NCOA7: variants seen among roughly 807,000 people sequenced by gnomAD.
The protein encoded by NCOA7 is nuclear receptor coactivator 7.
Under a neutral mutation model 104.3 loss-of-function variants are expected in NCOA7, and 45 were observed. The ratio of observed to expected loss-of-function variants is 0.43; its 90% CI spans 0.34 to 0.55. The LOEUF (loss-of-function observed/expected upper bound fraction) is 0.55, where lower values mean the gene tolerates loss of function less well. Ranked by LOEUF, NCOA7 falls within the 20% of genes least tolerant of loss-of-function variation. The probability of loss-of-function intolerance (pLI) is 0.02; values close to 1 mark genes in which losing one functional copy is unlikely to be tolerated. For missense variants in NCOA7, 1,041 were observed against 1,119.7 expected (o/e 0.93, Z 1.00); for synonymous variants, 398 against 402.3 (o/e 0.99, Z 0.13).
At chr6:125,818,742 A>G (rs1333485143) in intron 2 of NCOA7, 7 of 152,362 alleles carry the variant, frequency 4.6e-5, no homozygotes, top group South Asian at 2.1e-4. Context: ...ATCCAAAGTT[A>G]TACATCTTTT....
intron 2 of NCOA7, among the ~76,000 whole-genome samples, chr6:125,832,850 C>T (rs915187505): frequency 6.6e-6 from 1 of 152,230 alleles, no homozygotes; most frequent in Non-Finnish European, 1.5e-5. Flanking sequence ...TTGTTATTTT[C>T]TGCAGCCTCG....
chr6:125,911,645 G>A (rs1403972532), intron 10 of NCOA7, among the ~76,000 whole-genome samples: 1 of 152,222 alleles, frequency 6.6e-6, no homozygotes, highest in Non-Finnish European at 1.5e-5. Context: ...CTGAATAGGG[G>A]CAATGATACT....
At chr6:125,866,973 T>A (rs9482710) in intron 3 of NCOA7, among the ~76,000 whole-genome samples, 19,709 of 152,250 alleles carry the variant, frequency 0.13, 1,693 homozygotes, top group African/African-American at 0.25. Flanking sequence ...CATTTAAACA[T>A]TAATTTGAAA....
At chr6:125,871,272 C>G (rs927678010) in intron 3 of NCOA7, among the ~76,000 whole-genome samples, 11 of 146,226 alleles carry the variant, frequency 7.5e-5, no homozygotes, top group African/African-American at 3.0e-4. Flanking sequence ...ACCTAAAACA[C>G]TAGGGTTGGA....
At chr6:125,825,008 T>C (rs1035999260) in intron 2 of NCOA7, among the ~76,000 whole-genome samples, 2 of 151,950 alleles carry the variant, frequency 1.3e-5, no homozygotes, top group Admixed American at 1.3e-4. Flanking sequence ...TGTACTCCAG[T>C]CTGAGTGACA....
Position 125,896,176 on chromosome 6 carries a change from T to C in NCOA7, c.2096+5366T>C, listed in dbSNP as rs192661676. ...AATTTTTGGCCATTATAAGCAATGT[T>C]ACATTAAAAGTATCTGTAAAATCCT... On this transcript the variant is annotated intron_variant, in intron 10 of 15. Coordinates refer to ENST00000392477, the MANE Select transcript of NCOA7 (RefSeq NM_181782.5). 7.2e-5 allele frequency among the ~76,000 whole-genome samples: 11 copies of C among 151,998 alleles called. No individual in the cohort carries two copies. The East Asian group carries it at 2.1e-3, about 29-fold the overall frequency.
At position 125,885,172 on chromosome 6, in the gene NCOA7, G is replaced by A. The variant is rs777189437; in HGVS notation, c.713G>A (p.Gly238Asp). The change falls in exon 8 of 16, where the codon GGT (glycine) becomes GAT (aspartate). Residue 238 changes from glycine to aspartate, a missense_variant. By Grantham distance (94) the Gly-to-Asp change is moderately conservative. Around this residue, in one of 2 missense-constraint regions of NCOA7, gnomAD observed 914 missense variants for 942.7 expected, o/e 0.97. Transcript: ENST00000392477. Reference sequence around the variant, plus strand: ...TTTCTCCTGCAGGGTGTGGTTGGCGGTGTTATGATAGTGACTCCTAACAAC... The same window carrying A: ...TTTCTCCTGCAGGGTGTGGTTGGCGATGTTATGATAGTGACTCCTAACAAC... ...YFTDGKGVVG[G>D]VMIVTPNNIM... The A allele has an allele frequency of 6.2e-7, 1 of 1,613,970 alleles. No homozygotes were observed. Among genetic ancestry groups the A allele is most frequent in the Admixed American group, 1.7e-5 (1 of 60,008 alleles).
At position 125,821,700 on chromosome 6, in the gene NCOA7, A is replaced by G. The variant is rs57003692; in HGVS notation, c.50+6296A>G. ...TTAATGTCAGAGTATTAACCTACCA[A>G]GACAATAGGAAGCAGGCAGTCTGTA... On this transcript the variant is annotated intron_variant, in intron 2 of 15. Coordinates refer to ENST00000392477, the MANE Select transcript of NCOA7 (RefSeq NM_181782.5). Among the ~76,000 whole-genome samples, 1,230 of 152,308 alleles carry G rather than the reference A, an allele frequency of 8.1e-3. 20 individuals carry two copies. The highest frequency in any genetic ancestry group is 0.028 in the African/African-American group (1,181 of 41,532).
chr6:125,792,516 A>T (rs1774947845), intron 1 of NCOA7, among the ~76,000 whole-genome samples: 1 of 152,218 alleles, frequency 6.6e-6, no homozygotes, highest in Admixed American at 6.5e-5. Flanking sequence ...TTAATAAGTG[A>T]TGTATTCACT....
chr6:125,832,694 A>G (rs888599702), intron 2 of NCOA7, among the ~76,000 whole-genome samples: 2 of 152,232 alleles, frequency 1.3e-5, no homozygotes, highest in African/African-American at 4.8e-5. Flanking sequence ...TCACAGTTTT[A>G]TATCAGCTTT....
chr6:125,892,107 C>T (rs1207203167), intron 10 of NCOA7, among the ~76,000 whole-genome samples: 2 of 152,106 alleles, frequency 1.3e-5, no homozygotes, highest in African/African-American at 2.4e-5. Flanking sequence ...GAAAACAAAG[C>T]GCTGAAACTT....
Position 125,815,400 on chromosome 6 carries a change from G to T in NCOA7, c.46G>T (p.Ala16Ser), listed in dbSNP as rs780063259. 1.1e-5 allele frequency: 18 copies of T among 1,607,832 alleles called. No homozygotes were observed. In the African/African-American group the frequency reaches 2.1e-4, roughly 19 times the overall value. Residue 16 changes from alanine to serine, a missense_variant, in exon 2 of 16, where the codon GCT (alanine) becomes TCT (serine). Around this residue, in one of 2 missense-constraint regions of NCOA7, gnomAD observed 914 missense variants for 942.7 expected, o/e 0.97. Transcript: ENST00000392477. Reference sequence around the variant, plus strand: ...GAAGGAACGGAAACAAAGTTATTTTGCTCGGTAAGCATTCATTTTACAAAA... The same window carrying T: ...GAAGGAACGGAAACAAAGTTATTTTTCTCGGTAAGCATTCATTTTACAAAA... ...EKKERKQSYF[A>S]RLKKKKQAKQ...
rs764389592 is a variant in NCOA7 at position 125,928,823 on chromosome 6, C to T, written c.*52C>T. The stretch of plus-strand genomic sequence containing the variant: ...TTAAAAAGACTGGGTTCGATCAGCC[C>T]TCCTAAAGCTGGCTGGAAAAAGAAG... On this transcript the variant is annotated 3_prime_UTR_variant, in exon 16 of 16. Transcript: ENST00000392477. 2.6e-6 allele frequency: 4 copies of T among 1,559,612 alleles called. No individual in the cohort carries two copies. In the East Asian group the frequency reaches 9.1e-5, roughly 35 times the overall value.
At chr6:125,902,718 A>G (rs1013477218) in intron 10 of NCOA7, among the ~76,000 whole-genome samples, 1 of 152,186 alleles carries the variant, frequency 6.6e-6, no homozygotes, top group African/African-American at 2.4e-5. Context: ...TTTATGAACT[A>G]GCAAAACCAG....
chr6:125,919,434 A>G (rs965729703), intron 11 of NCOA7: 2 of 1,612,476 alleles, frequency 1.2e-6, no homozygotes, highest in African/African-American at 1.3e-5. Context: ...TTGTGAAGGT[A>G]TGTTGGAGTG....
intron 3 of NCOA7, among the ~76,000 whole-genome samples, chr6:125,859,016 G>A (rs1781828752): frequency 6.6e-6 from 1 of 152,164 alleles, no homozygotes. Flanking sequence ...TAAGGATTTG[G>A]GATTTACCTT....
intron 3 of NCOA7, among the ~76,000 whole-genome samples, chr6:125,856,136 G>C (rs1329679457): frequency 6.6e-6 from 1 of 152,146 alleles, no homozygotes; most frequent in Non-Finnish European, 1.5e-5. Flanking sequence ...CCAGGAATCA[G>C]AACTTGGCGT....
rs549204411 is a variant in NCOA7, at chr6:125,863,886, C to T, written c.271+8646C>T. ...GAGAGTACTGCCAAGATGACCTAACCACCCCTCAATGGCTCCTTTTCCTAA... is the reference window on the plus strand; with the variant it reads ...GAGAGTACTGCCAAGATGACCTAACTACCCCTCAATGGCTCCTTTTCCTAA... On this transcript the variant is annotated intron_variant, in intron 3 of 15. Coordinates refer to ENST00000392477, the MANE Select transcript of NCOA7 (RefSeq NM_181782.5). Among the ~76,000 whole-genome samples, 3 of 137,524 alleles carry T rather than the reference C, an allele frequency of 2.2e-5. No individual in the cohort carries two copies. The South Asian group carries it at 6.6e-4, about 30-fold the overall frequency. 90.2% of individuals were successfully genotyped at this position (137,524 alleles called of 152,430 possible). A position where few individuals can be genotyped will look rare whatever the true frequency, so the allele number is the denominator to read the frequency against.
At position 125,928,915 on chromosome 6, in the gene NCOA7, C is replaced by A; in HGVS notation, c.*144C>A. ...CTGCCATCATCTCAGAGCATGATCA[C>A]ATTGCAGAAAGATTCTGGAAGGTCC... is the stretch of plus-strand genomic sequence containing the variant. On this transcript the variant is annotated 3_prime_UTR_variant, in exon 16 of 16. Coordinates refer to ENST00000392477, the MANE Select transcript of NCOA7 (RefSeq NM_181782.5). The A allele has an allele frequency of 3.5e-6, 3 of 861,488 alleles. No homozygotes were observed. Among genetic ancestry groups the A allele is most frequent in the Non-Finnish European group, 5.1e-6 (3 of 582,542 alleles). 53.4% of individuals were successfully genotyped at this position (861,488 alleles called of 1,614,324 possible).
Sources: allele counts gnomAD v4.1 joint callset (sites outside exome capture counted in the v4.1 genomes callset), GRCh38; gene constraint gnomAD v4.1.1; regional missense constraint gnomAD v4.1.1; transcripts MANE v1.5; gene names NCBI Gene and HGNC (gene_info 2026-07-23, HGNC 2026-07-21).